The following MARCHF1 variants were observed in gnomAD, a reference collection of about 807,000 sequenced individuals.
MARCHF1 encodes E3 ubiquitin-protein ligase MARCHF1.
In MARCHF1, 40 loss-of-function variants were observed where a neutral mutation model predicts 54.2. The ratio of observed to expected loss-of-function variants is 0.74; its 90% CI spans 0.57 to 0.96. The LOEUF (loss-of-function observed/expected upper bound fraction) is 0.96, where lower values mean the gene tolerates loss of function less well. Among genes scored for constraint, MARCHF1 ranks in the 40% least tolerant of loss-of-function variants. MARCHF1 has a pLI of 0.00. For synonymous variants in MARCHF1, 236 were observed against 236.3 expected (o/e 1.00, Z 0.01); for missense variants, 586 against 656.5 (o/e 0.89, Z 1.17).
At chr4:164,146,108 C>T (rs1478872245) in intron 1 of MARCHF1, among the ~76,000 whole-genome samples, 1 of 117,426 alleles carries the variant, frequency 8.5e-6, no homozygotes, top group African/African-American at 3.5e-5. Context: ...AGGAATCCAA[C>T]TTACAAGGGA....
chr4:164,299,760 C>T lies in MARCHF1; in HGVS notation c.-323+84110G>A, dbSNP rs566006989. Among the ~76,000 whole-genome samples the T allele has an allele frequency of 1.2e-3, 181 of 152,186 alleles. 1 individual carries two copies. Among genetic ancestry groups the T allele is most frequent in the Non-Finnish European group, 2.1e-3 (144 of 67,992 alleles). On this transcript the variant is annotated intron_variant, in intron 1 of 9. Coordinates refer to ENST00000514618, the MANE Select transcript of MARCHF1 (RefSeq NM_001394959.1). The stretch of plus-strand genomic sequence containing the variant: ...GACTGGGCTCTGACTCTGTGCAATG[C>T]TATATTCAACTCTTACAGAGGAAAA...
chr4:163,585,409 T>C (rs11945604), intron 8 of MARCHF1: 4,495 of 160,408 alleles, frequency 0.028, 218 homozygotes, highest in African/African-American at 0.096. Flanking sequence ...GTAAGCACAA[T>C]GCTATCATAG....
In MARCHF1 at chr4:163,774,947, G is replaced by T. The variant is rs113345560; in HGVS notation, c.112-74084C>A. ...AGGAGATTTTCATTTGTATTCAAAG[G>T]CTGCTTCAAGATTCCCCCTAAAGAA... On this transcript the variant is annotated intron_variant, in intron 4 of 9. Coordinates refer to ENST00000514618, the MANE Select transcript of MARCHF1 (RefSeq NM_001394959.1). 3.5e-3 allele frequency among the ~76,000 whole-genome samples: 527 copies of T among 152,176 alleles called. 8 individuals are homozygous for T. Among genetic ancestry groups the T allele is most frequent in the African/African-American group, 0.012 (491 of 41,516 alleles).
At chr4:164,258,057 G>T (rs938286184) in intron 1 of MARCHF1, among the ~76,000 whole-genome samples, 4 of 152,120 alleles carry the variant, frequency 2.6e-5, no homozygotes, top group African/African-American at 7.2e-5. Context: ...ATACACCATG[G>T]AATACTATGC....
chr4:163,965,380 C>A (rs546492757), intron 3 of MARCHF1, among the ~76,000 whole-genome samples: 1 of 152,010 alleles, frequency 6.6e-6, no homozygotes. Context: ...ACGCTCTACA[C>A]AGTAAGACTA....
At chr4:164,346,861 C>A (rs1730121052) in intron 1 of MARCHF1, among the ~76,000 whole-genome samples, 1 of 151,658 alleles carries the variant, frequency 6.6e-6, no homozygotes, top group Middle Eastern at 3.2e-3. Flanking sequence ...TTTCATCATA[C>A]CTAAAAGAGT....
intron 1 of MARCHF1, among the ~76,000 whole-genome samples, chr4:164,143,739 A>C (rs372303392): frequency 0.39 from 59,298 of 151,616 alleles, 12,879 homozygotes; most frequent in Non-Finnish European, 0.5. Flanking sequence ...TAAAGACCAT[A>C]GAGACTAGGA....
Position 163,526,714 on chromosome 4 carries a change from T to A in MARCHF1, c.*2034A>T, listed in dbSNP as rs143440198. 4 of 152,190 alleles carry A rather than the reference T, an allele frequency of 2.6e-5. 1 individual carries two copies. In the Middle Eastern group the frequency reaches 0.01, roughly 388 times the overall value. The allele number at this position is 152,190 out of a possible 1,614,324, so 9.4% of individuals were successfully genotyped here. On this transcript the variant is annotated 3_prime_UTR_variant, in exon 10 of 10. Transcript: ENST00000514618. ...TACAGAATTTTTGGTTCAGTTTAGT[T>A]ACCTCAACTTTGCTTTCCCTGTGCT...
intron 3 of MARCHF1, among the ~76,000 whole-genome samples, chr4:163,858,156 A>C (rs1440188961): frequency 6.6e-6 from 1 of 151,910 alleles, no homozygotes; most frequent in Non-Finnish European, 1.5e-5. Flanking sequence ...ACTGTACTCT[A>C]AGGAATGCTT....
intron 2 of MARCHF1, among the ~76,000 whole-genome samples, chr4:164,078,045 G>A (rs762897065): frequency 3.0e-4 from 45 of 152,140 alleles, no homozygotes; most frequent in Non-Finnish European, 5.3e-4. Flanking sequence ...ATACCCAAAG[G>A]ATTATAAATC....
intron 1 of MARCHF1, among the ~76,000 whole-genome samples, chr4:164,289,189 A>G (rs1314417149): frequency 6.6e-6 from 1 of 151,934 alleles, no homozygotes; most frequent in Non-Finnish European, 1.5e-5. Context: ...AACAAACACT[A>G]GTGTCTGTGG....
chr4:164,144,320 C>A (rs1444384576), intron 1 of MARCHF1, among the ~76,000 whole-genome samples: 2 of 151,890 alleles, frequency 1.3e-5, no homozygotes, highest in African/African-American at 4.9e-5. Flanking sequence ...ACCAAGGGGA[C>A]CTAATAGACA....
At chr4:164,358,634 T>C (rs1480098249) in intron 1 of MARCHF1, among the ~76,000 whole-genome samples, 2 of 152,184 alleles carry the variant, frequency 1.3e-5, no homozygotes, top group Admixed American at 1.3e-4. Flanking sequence ...CCTGGTTCAC[T>C]TCAGTAGTTT....
rs1432245071 is a variant in MARCHF1 at position 163,905,664 on chromosome 4, A to G, written c.-38-51495T>C. On this transcript the variant is annotated intron_variant, in intron 3 of 9. Coordinates refer to ENST00000514618, the MANE Select transcript of MARCHF1 (RefSeq NM_001394959.1). Reference sequence around the variant, plus strand: ...CTTTGAGATGCTATAATCCAGATTTAGGCAACCTGTGTTATTGTTTTATCT... The same window carrying G: ...CTTTGAGATGCTATAATCCAGATTTGGGCAACCTGTGTTATTGTTTTATCT... Among the ~76,000 whole-genome samples, 5 of 152,094 alleles carry G rather than the reference A, an allele frequency of 3.3e-5. No homozygotes were observed. In the East Asian group the frequency reaches 9.6e-4, roughly 29 times the overall value.
At chr4:163,751,606 AG>A (rs767230111) in intron 4 of MARCHF1, among the ~76,000 whole-genome samples, 149 of 152,110 alleles carry the variant, frequency 9.8e-4, no homozygotes, top group Non-Finnish European at 1.9e-3. Flanking sequence ...TATATGACCT[AG>A]AAAACATTAA....
intron 2 of MARCHF1, among the ~76,000 whole-genome samples, chr4:163,996,570 G>C (rs1753080965): frequency 6.6e-6 from 1 of 151,978 alleles, no homozygotes; most frequent in Non-Finnish European, 1.5e-5. Context: ...GTTGTTTATA[G>C]ATACGCATTC....
At chr4:163,776,425 G>A (rs72995249) in intron 4 of MARCHF1, among the ~76,000 whole-genome samples, 42 of 151,284 alleles carry the variant, frequency 2.8e-4, no homozygotes, top group African/African-American at 9.9e-4. Context: ...TTGTTGTTTA[G>A]ATAATTAAAA....
At chr4:163,889,212 C>T (rs1057177166) in intron 3 of MARCHF1, among the ~76,000 whole-genome samples, 8 of 152,124 alleles carry the variant, frequency 5.3e-5, no homozygotes, top group South Asian at 2.1e-4. Context: ...CCTCACTATG[C>T]GCCAGGCACT....
intron 1 of MARCHF1, among the ~76,000 whole-genome samples, chr4:164,130,786 G>T (rs75165679): frequency 0.016 from 2,393 of 152,246 alleles, 55 homozygotes; most frequent in African/African-American, 0.054. Context: ...GTTTTGTCCA[G>T]TATATCACAT....
Sources: gnomAD v4.1 joint callset for allele counts (sites outside exome capture counted in the v4.1 genomes callset) on GRCh38, gnomAD v4.1.1 for gene constraint, MANE v1.5 for transcripts, NCBI Gene and HGNC (gene_info 2026-07-23, HGNC 2026-07-21) for gene names.